Variants in TTC28 observed in about 807,000 individuals in gnomAD.
The protein encoded by TTC28 is tetratricopeptide repeat domain 28, also known as tetratricopeptide repeat protein 28.
In TTC28, 61 loss-of-function variants were observed where a neutral mutation model predicts 198.0. The observed-to-expected ratio is 0.31, with a 90% CI of 0.25 to 0.38. The LOEUF (loss-of-function observed/expected upper bound fraction) is 0.38. TTC28 is among the 10% of genes least tolerant of loss of function. TTC28 has a pLI of 1.00. For missense variants in TTC28, 2,678 were observed against 3,164.0 expected (o/e 0.85, Z 3.69); for synonymous variants, 1,171 against 1,297.8 (o/e 0.90, Z 2.10).
intron 13 of TTC28, among the ~76,000 whole-genome samples, chr22:28,018,286 TGCGCGC>T (rs1159883410): frequency 7.5e-4 from 73 of 97,268 alleles, no homozygotes; most frequent in African/African-American, 2.5e-3. Context: ...TGTATGTGTG[TGCGCGC>T]GTGTGTGCGC....
chr22:28,286,608 T>C (rs2145751591), intron 5 of TTC28, among the ~76,000 whole-genome samples: 1 of 152,288 alleles, frequency 6.6e-6, no homozygotes, highest in South Asian at 2.1e-4. Flanking sequence ...AGTTTTTAAA[T>C]CTTTTACATC....
chr22:28,233,997 C>T (rs191508057), intron 5 of TTC28, among the ~76,000 whole-genome samples: 1 of 151,978 alleles, frequency 6.6e-6, no homozygotes, highest in East Asian at 1.9e-4. Flanking sequence ...ATCTCCGCCT[C>T]CCGGGTTCAC....
chr22:28,671,857 G>A (rs796933419), intron 1 of TTC28, among the ~76,000 whole-genome samples: 1 of 151,234 alleles, frequency 6.6e-6, no homozygotes, highest in Non-Finnish European at 1.5e-5. Flanking sequence ...TGTGTTTTTA[G>A]TAGAGACAGG....
chr22:28,367,001 T>C (rs1165273069), intron 2 of TTC28, among the ~76,000 whole-genome samples: 2 of 151,990 alleles, frequency 1.3e-5, no homozygotes, highest in African/African-American at 4.8e-5. Flanking sequence ...GAGACTTCAA[T>C]AGCCCACTTT....
At chr22:28,203,094 T>C (rs963933936) in intron 5 of TTC28, among the ~76,000 whole-genome samples, 7 of 152,164 alleles carry the variant, frequency 4.6e-5, no homozygotes, top group African/African-American at 1.7e-4. Context: ...CTTCCGTAGA[T>C]ATGGTTTTCT....
intron 2 of TTC28, among the ~76,000 whole-genome samples, chr22:28,461,514 G>A (rs967060616): frequency 6.6e-6 from 1 of 151,768 alleles, no homozygotes; most frequent in Non-Finnish European, 1.5e-5. Flanking sequence ...TTGGCTCACT[G>A]TAGCATCTGC....
chr22:28,033,805 C>T (rs1296915033), intron 12 of TTC28, among the ~76,000 whole-genome samples: 1 of 152,146 alleles, frequency 6.6e-6, no homozygotes, highest in African/African-American at 2.4e-5. Context: ...CATTAGGCTG[C>T]CCAACCCTCA....
chr22:28,043,183 C>A (rs1939724784), intron 12 of TTC28, among the ~76,000 whole-genome samples: 1 of 126,562 alleles, frequency 7.9e-6, no homozygotes, highest in African/African-American at 3.0e-5. Flanking sequence ...GCAGAGGTTG[C>A]AGTGAGCCAA....
chr22:28,196,817 T>C (rs552374435), intron 5 of TTC28, among the ~76,000 whole-genome samples: 124 of 152,266 alleles, frequency 8.1e-4, no homozygotes, highest in African/African-American at 2.8e-3. Context: ...TTTTACACTA[T>C]TGGTGGGACT....
chr22:28,475,340 C>T (rs1392290842), intron 2 of TTC28, among the ~76,000 whole-genome samples: 1 of 152,026 alleles, frequency 6.6e-6, no homozygotes, highest in Admixed American at 6.6e-5. Flanking sequence ...CACACTCACA[C>T]CCACACTCAT....
chr22:28,427,260 C>T (rs949241102), intron 2 of TTC28, among the ~76,000 whole-genome samples: 2 of 152,288 alleles, frequency 1.3e-5, no homozygotes, highest in Non-Finnish European at 2.9e-5. Flanking sequence ...CTTTCTGCTG[C>T]TATCAATATT....
At chr22:28,171,450 G>A (rs1922664379) in intron 5 of TTC28, among the ~76,000 whole-genome samples, 1 of 152,082 alleles carries the variant, frequency 6.6e-6, no homozygotes, top group Non-Finnish European at 1.5e-5. Context: ...CCTGGAGTAA[G>A]GGCATTTCTT....
At chr22:28,631,972 T>A (rs2051180490) in intron 1 of TTC28, among the ~76,000 whole-genome samples, 1 of 152,168 alleles carries the variant, frequency 6.6e-6, no homozygotes, top group Admixed American at 6.5e-5. Context: ...TTTTTCCCTA[T>A]GTCTTCCTTT....
intron 6 of TTC28, among the ~76,000 whole-genome samples, chr22:28,158,913 G>C (rs893306814): frequency 1.3e-5 from 2 of 152,134 alleles, no homozygotes; most frequent in Non-Finnish European, 2.9e-5. Context: ...ATGGACAAGT[G>C]GGATCATATC....
At chr22:28,223,767 AGAAAT>A (rs1928065293) in intron 5 of TTC28, among the ~76,000 whole-genome samples, 1 of 152,228 alleles carries the variant, frequency 6.6e-6, no homozygotes, top group African/African-American at 2.4e-5. Context: ...GAAAATGAAA[AGAAAT>A]GGCTTTCTAA....
intron 2 of TTC28, among the ~76,000 whole-genome samples, chr22:28,518,731 C>A (rs2048840744): frequency 6.6e-6 from 1 of 152,148 alleles, no homozygotes; most frequent in South Asian, 2.1e-4. Flanking sequence ...ACATGTTTGG[C>A]AGAATTCATC....
intron 5 of TTC28, among the ~76,000 whole-genome samples, chr22:28,279,358 T>TA (rs2044535484): frequency 1.3e-5 from 2 of 152,184 alleles, no homozygotes; most frequent in Admixed American, 6.5e-5. Flanking sequence ...ATTTTAAACA[T>TA]ACCATTTGAT....
chr22:28,639,132 T>A (rs1266511975), intron 1 of TTC28, among the ~76,000 whole-genome samples: 1 of 152,220 alleles, frequency 6.6e-6, no homozygotes, highest in Non-Finnish European at 1.5e-5. Flanking sequence ...CATAATAGCA[T>A]CATTTGTATT....
intron 2 of TTC28, among the ~76,000 whole-genome samples, chr22:28,396,620 T>C (rs2046822073): frequency 6.6e-6 from 1 of 152,168 alleles, no homozygotes; most frequent in Non-Finnish European, 1.5e-5. Context: ...ATTACTATTC[T>C]AGGACCCTGA....
Sources: allele counts gnomAD v4.1 joint callset (sites outside exome capture counted in the v4.1 genomes callset), GRCh38; gene constraint gnomAD v4.1.1; transcripts MANE v1.5; gene names NCBI Gene and HGNC (gene_info 2026-07-23, HGNC 2026-07-21).